The following SERINC5 variants were observed in gnomAD, a reference collection of about 807,000 sequenced individuals.
The protein encoded by SERINC5 is serine incorporator 5, also known as chromosome 5 open reading frame 12.
SERINC5 carries 41 observed loss-of-function variants against 63.1 expected under a neutral mutation model. The ratio of observed to expected loss-of-function variants is 0.65; its 90% CI spans 0.51 to 0.84. The LOEUF (loss-of-function observed/expected upper bound fraction) is 0.84. Ranked by LOEUF, SERINC5 falls within the 40% of genes least tolerant of loss-of-function variation. The pLI is 0.00. For synonymous variants in SERINC5, 222 were observed against 215.2 expected (o/e 1.03, Z -0.28); for missense variants, 523 against 573.0 (o/e 0.91, Z 0.89).
At position 80,255,103 on chromosome 5, in the gene SERINC5, T is replaced by C. The variant is rs920013725; in HGVS notation, c.27+793A>G. 2.6e-5 allele frequency: 4 copies of C among 152,300 alleles called. 1 individual carries two copies. The highest frequency in any genetic ancestry group is 9.6e-5 in the African/African-American group (4 of 41,468). 9.4% of individuals were successfully genotyped at this position (152,300 alleles called of 1,614,324 possible). On this transcript the variant is annotated intron_variant, in intron 1 of 11. Transcript: ENST00000507668. ...TCACCTACTTCGTTTTTTCTAACTC[T>C]GCAGGAAGGAGTGAAACCAGCATTA...
intron 2 of SERINC5, among the ~76,000 whole-genome samples, chr5:80,193,490 C>A (rs1030274815): frequency 6.6e-6 from 1 of 152,216 alleles, no homozygotes; most frequent in Non-Finnish European, 1.5e-5. Flanking sequence ...TCTTATCATT[C>A]TCTCTCGTCC....
intron 1 of SERINC5, among the ~76,000 whole-genome samples, chr5:80,227,434 G>A (rs1041360662): frequency 6.6e-6 from 1 of 151,974 alleles, no homozygotes; most frequent in Non-Finnish European, 1.5e-5. Context: ...GAGCAGAGCT[G>A]TCTCTAGAGA....
chr5:80,201,738 C>G (rs1749848998), intron 2 of SERINC5, among the ~76,000 whole-genome samples: 1 of 152,196 alleles, frequency 6.6e-6, no homozygotes, highest in Non-Finnish European at 1.5e-5. Context: ...CCATCAGCAT[C>G]ACACACCAGG....
downstream of SERINC5, among the ~76,000 whole-genome samples, chr5:80,137,732 G>A (rs1049845753): frequency 1.3e-5 from 2 of 150,542 alleles, no homozygotes; most frequent in African/African-American, 2.4e-5. Context: ...GCTTGAGGTC[G>A]GGAGTTTAAG....
intron 1 of SERINC5, among the ~76,000 whole-genome samples, chr5:80,210,120 T>C (rs1339923730): frequency 2.0e-5 from 3 of 152,150 alleles, no homozygotes; most frequent in South Asian, 4.1e-4. Flanking sequence ...GCAAATGTGG[T>C]ATTGCTGTAT....
intron 1 of SERINC5, among the ~76,000 whole-genome samples, chr5:80,217,553 T>G (rs1239231318): frequency 6.6e-6 from 1 of 152,192 alleles, no homozygotes; most frequent in African/African-American, 2.4e-5. Flanking sequence ...CTTCAAGAGT[T>G]TAGCGGCGAG....
chr5:80,252,944 C>T (rs1039507825), intron 1 of SERINC5, among the ~76,000 whole-genome samples: 1 of 152,180 alleles, frequency 6.6e-6, no homozygotes, highest in African/African-American at 2.4e-5. Context: ...AAACTTCTCC[C>T]GACCTAAATA....
chr5:80,249,566 G>A (rs1752313420), intron 1 of SERINC5, among the ~76,000 whole-genome samples: 1 of 152,126 alleles, frequency 6.6e-6, no homozygotes, highest in Non-Finnish European at 1.5e-5. Context: ...ACTTTGGGAG[G>A]CTGAGGCGGG....
intron 1 of SERINC5, among the ~76,000 whole-genome samples, chr5:80,210,622 GCA>G (rs144468638): frequency 6.6e-6 from 1 of 151,996 alleles, no homozygotes; most frequent in South Asian, 2.1e-4. Context: ...AAATCGGCAT[GCA>G]CACACACACA....
At chr5:80,112,235 C>T (rs1017161508) in intron 12 of SERINC5, among the ~76,000 whole-genome samples, 6 of 152,220 alleles carry the variant, frequency 3.9e-5, no homozygotes, top group Admixed American at 1.3e-4. Context: ...ACCACACTGG[C>T]AGGAGGCGAG....
At chr5:80,243,852 T>C (rs1008337571) in intron 1 of SERINC5, among the ~76,000 whole-genome samples, 2 of 151,888 alleles carry the variant, frequency 1.3e-5, no homozygotes, top group Non-Finnish European at 2.9e-5. Context: ...CTCTACAGAA[T>C]TTTTCAAAGA....
intron 11 of SERINC5, among the ~76,000 whole-genome samples, chr5:80,115,176 G>A (rs906304176): frequency 1.3e-5 from 2 of 151,954 alleles, no homozygotes; most frequent in African/African-American, 2.4e-5. Flanking sequence ...TTTAGCAGAC[G>A]TTTTACTATA....
At chr5:80,249,839 A>G (rs779941033) in intron 1 of SERINC5, among the ~76,000 whole-genome samples, 5 of 152,012 alleles carry the variant, frequency 3.3e-5, no homozygotes, top group Non-Finnish European at 7.4e-5. Flanking sequence ...AATATTAAAT[A>G]TAAGTAACTG....
intron 2 of SERINC5, among the ~76,000 whole-genome samples, chr5:80,192,278 C>T (rs2112462619): frequency 6.6e-6 from 1 of 152,302 alleles, no homozygotes; most frequent in African/African-American, 2.4e-5. Flanking sequence ...ACTTACTCTA[C>T]AAATCAAGAG....
chr5:80,249,042 C>T (rs985989963), intron 1 of SERINC5, among the ~76,000 whole-genome samples: 6 of 152,210 alleles, frequency 3.9e-5, no homozygotes, highest in African/African-American at 9.6e-5. Context: ...AGGCCGGGTA[C>T]GGTGGCTCAC....
intron 1 of SERINC5, among the ~76,000 whole-genome samples, chr5:80,209,565 A>G (rs548311090): frequency 6.6e-6 from 1 of 152,296 alleles, no homozygotes; most frequent in African/African-American, 2.4e-5. Context: ...GCTATTTCAT[A>G]TCTATGTACA....
At chr5:80,195,682 CAG>C (rs1476538825) in intron 2 of SERINC5, among the ~76,000 whole-genome samples, 3 of 152,182 alleles carry the variant, frequency 2.0e-5, no homozygotes, top group Admixed American at 2.0e-4. Flanking sequence ...TCCCCAGTTT[CAG>C]AGTTTCAAAC....
At chr5:80,129,323 G>A (rs1012338589) in intron 11 of SERINC5, 1 of 152,300 alleles carries the variant, frequency 6.6e-6, no homozygotes, top group African/African-American at 2.4e-5. Flanking sequence ...TTTAGAGACA[G>A]GGTCTCCCTC....
intron 8 of SERINC5, among the ~76,000 whole-genome samples, chr5:80,152,456 T>C (rs1746251011): frequency 6.8e-6 from 1 of 147,340 alleles, no homozygotes; most frequent in Non-Finnish European, 1.5e-5. Context: ...ATCACACCAG[T>C]GCACTTCAGC....
Sources: gnomAD v4.1 joint callset for allele counts (sites outside exome capture counted in the v4.1 genomes callset) on GRCh38, gnomAD v4.1.1 for gene constraint, MANE v1.5 for transcripts, NCBI Gene and HGNC (gene_info 2026-07-23, HGNC 2026-07-21) for gene names.